Variants in BDH2 observed in about 807,000 individuals in gnomAD.
BDH2 encodes 3-hydroxybutyrate dehydrogenase 2.
BDH2 carries 24 observed loss-of-function variants against 33.2 expected under a neutral mutation model. The observed-to-expected ratio is 0.72, with a 90% CI of 0.52 to 1.02. The LOEUF (loss-of-function observed/expected upper bound fraction) is 1.02, where lower values mean the gene tolerates loss of function less well. Among genes scored for constraint, BDH2 ranks in the 50% least tolerant of loss-of-function variants. The probability of loss-of-function intolerance (pLI) is 0.00; values close to 1 mark genes in which losing one functional copy is unlikely to be tolerated. For synonymous variants in BDH2, 81 were observed against 101.6 expected (o/e 0.80, Z 1.22); for missense variants, 249 against 301.6 (o/e 0.83, Z 1.29).
intron 1 of BDH2, among the ~76,000 whole-genome samples, chr4:103,096,739 C>A (rs1444607060): frequency 6.6e-6 from 1 of 152,038 alleles, no homozygotes; most frequent in East Asian, 1.9e-4. Context: ...CGGGCTTTCA[C>A]CATGTTGGCC....
chr4:103,083,030 C>G, intron 7 of BDH2, 101 bp from the exon 8 acceptor site: 2 of 1,097,514 alleles, frequency 1.8e-6, no homozygotes, highest in East Asian at 2.4e-5. Context: ...AGATTCTTCT[C>G]CTTGACTTAA....
At chr4:103,097,789 G>C (rs1460098667) in intron 1 of BDH2, 1 of 152,186 alleles carries the variant, frequency 6.6e-6, no homozygotes. Context: ...AAAGTGAGTT[G>C]GATGGTGTTG....
chr4:103,082,896 ATTCT>A lies in BDH2; in HGVS notation c.562_565del (p.Arg188TyrfsTer15), dbSNP rs1272762839. On this transcript the variant is annotated frameshift_variant, in exon 8 of 10. Transcript: ENST00000296424. Reference sequence around the variant, plus strand: ...CTCTTCAGGATTTCCTCTGGCTTGTATTCTTTCTTGTAGAGATGGCGTATCAACT... The same window carrying A: ...CTCTTCAGGATTTCCTCTGGCTTGTATTCTTGTAGAGATGGCGTATCAACT... The A allele has an allele frequency of 3.7e-6, 6 of 1,612,922 alleles. No individual in the cohort carries two copies. Among genetic ancestry groups the A allele is most frequent in the Non-Finnish European group, 5.1e-6 (6 of 1,178,990 alleles).
intron 3 of BDH2, among the ~76,000 whole-genome samples, chr4:103,093,780 A>G (rs1290054018): frequency 4.7e-5 from 7 of 147,928 alleles, no homozygotes; most frequent in African/African-American, 1.5e-4. Context: ...AATTTATAAT[A>G]TATTATAAAT....
At position 103,082,793 on chromosome 4, in the gene BDH2, A is replaced by G. The variant is rs143019882; in HGVS notation, c.591+78T>C. 24 of 1,270,536 alleles carry G rather than the reference A, an allele frequency of 1.9e-5. No individual in the cohort carries two copies. The East Asian group carries it at 4.9e-4, about 26-fold the overall frequency. The allele number at this position is 1,270,536 out of a possible 1,614,324, so 78.7% of individuals were successfully genotyped here. A position where few individuals can be genotyped will look rare whatever the true frequency, so the allele number is the denominator to read the frequency against. On this transcript the variant is annotated intron_variant, in intron 8 of 9. Coordinates refer to ENST00000296424, the MANE Select transcript of BDH2 (RefSeq NM_020139.4). ...AACTACCATTTCACTTTCTGTCTCT[A>G]TGAATTTGTCTGCTATAGGTATGGA...
chr4:103,091,335 T>C, intron 4 of BDH2, 50 bp from the exon 5 acceptor site: 1 of 1,229,096 alleles, frequency 8.1e-7, no homozygotes, highest in Non-Finnish European at 1.2e-6. Flanking sequence ...AAAATTTTTC[T>C]ATTCCATCTG....
intron 3 of BDH2, among the ~76,000 whole-genome samples, chr4:103,093,370 AAGG>A (rs760228979): frequency 6.6e-6 from 1 of 151,938 alleles, no homozygotes; most frequent in African/African-American, 2.4e-5. Context: ...ACTAAACTGC[AAGG>A]AGAAGAAATG....
chr4:103,089,515 A>G (rs1442597938), intron 5 of BDH2, among the ~76,000 whole-genome samples: 1 of 152,210 alleles, frequency 6.6e-6, no homozygotes, highest in Non-Finnish European at 1.5e-5. Context: ...TTGTTAAGAT[A>G]TTGTAAATCA....
intron 3 of BDH2, among the ~76,000 whole-genome samples, chr4:103,093,693 T>C (rs1748222636): frequency 6.8e-6 from 1 of 146,974 alleles, no homozygotes; most frequent in African/African-American, 2.5e-5. Flanking sequence ...TGTATTAATA[T>C]GTATATGTAT....
At chr4:103,095,818 C>T (rs1230455168) in intron 2 of BDH2, among the ~76,000 whole-genome samples, 2 of 152,138 alleles carry the variant, frequency 1.3e-5, no homozygotes, top group Non-Finnish European at 2.9e-5. Context: ...ACAAGGTAAC[C>T]TGTCTTATAA....
In BDH2 at chr4:103,085,357, A is replaced by G; in HGVS notation, c.524T>C (p.Val175Ala). ...FIQQGIRCNC[V>A]CPGTVDTPSL... ...AGGTGTGCCTTACTCACCTGGGCAC[A>G]CACAGTTGCACCTGATGCCCTGCTG... Residue 175 changes from valine (V) to alanine (A), a missense_variant, in exon 7 of 10, where the codon GTG becomes GCG. Transcript: ENST00000296424. 6.2e-7 allele frequency: 1 copy of G among 1,609,638 alleles called. No individual in the cohort carries two copies. The highest frequency in any genetic ancestry group is 8.5e-7 in the Non-Finnish European group (1 of 1,178,516).
Position 103,095,371 on chromosome 4 carries a change from T to A in BDH2, c.73-90A>T. On this transcript the variant is annotated intron_variant, in intron 2 of 9. Coordinates refer to ENST00000296424, the MANE Select transcript of BDH2 (RefSeq NM_020139.4). ...CATCATGTGGTCTTTTTCTCCTTTA[T>A]CTTATTTTCATTGTTCTTTTCCCTA... The A allele has an allele frequency of 3.1e-6, 3 of 969,232 alleles. No homozygotes were observed. In the Admixed American group the frequency reaches 5.8e-5, roughly 19 times the overall value. 60.0% of individuals were successfully genotyped at this position (969,232 alleles called of 1,614,324 possible). A position where few individuals can be genotyped will look rare whatever the true frequency, so the allele number is the denominator to read the frequency against.
chr4:103,091,746 G>GAA, intron 4 of BDH2: 1 of 406,332 alleles, frequency 2.5e-6, no homozygotes, highest in Non-Finnish European at 4.9e-6. Flanking sequence ...CCCTGTTTCA[G>GAA]AAAAAAAAAA....
intron 9 of BDH2, among the ~76,000 whole-genome samples, chr4:103,080,607 G>A (rs1473256459): frequency 6.6e-6 from 1 of 152,288 alleles, no homozygotes; most frequent in Non-Finnish European, 1.5e-5. Context: ...GGAGTTATTA[G>A]TCACTTCACC....
intron 7 of BDH2, among the ~76,000 whole-genome samples, chr4:103,083,524 A>G (rs2110696675): frequency 6.6e-6 from 1 of 152,364 alleles, no homozygotes; most frequent in African/African-American, 2.4e-5. Context: ...AATATAATTT[A>G]ATCTAATTTA....
intron 1 of BDH2, among the ~76,000 whole-genome samples, chr4:103,098,386 A>G (rs1479677271): frequency 6.6e-6 from 1 of 152,182 alleles, no homozygotes; most frequent in African/African-American, 2.4e-5. Context: ...GCATTGTCTC[A>G]TGGTACTCAA....
rs1748400680 is a variant in BDH2, at chr4:103,096,269, T to A, written c.-15A>T. 1 of 1,610,510 alleles carries A rather than the reference T, an allele frequency of 6.2e-7. No homozygotes were observed. Among genetic ancestry groups the A allele is most frequent in the African/African-American group, 1.3e-5 (1 of 74,858 alleles). ...AGTCGACCCATAATGGAACCTGTGG[T>A]TTAATCTAAAGACATGTGTGTTTAA... On this transcript the variant is annotated 5_prime_UTR_variant, in exon 2 of 10. Coordinates refer to ENST00000296424, the MANE Select transcript of BDH2 (RefSeq NM_020139.4).
chr4:103,092,786 A>G, intron 3 of BDH2, 90 bp from the exon 4 acceptor site: 1 of 894,660 alleles, frequency 1.1e-6, no homozygotes, highest in African/African-American at 1.6e-5. Context: ...AGATTGCAAC[A>G]TCTATCCAGC....
intron 3 of BDH2, among the ~76,000 whole-genome samples, chr4:103,094,191 C>G (rs1224512607): frequency 2.0e-5 from 3 of 152,160 alleles, no homozygotes; most frequent in Non-Finnish European, 4.4e-5. Context: ...TAAGCTGTCT[C>G]CAGCCACATG....
Sources: allele counts gnomAD v4.1 joint callset (sites outside exome capture counted in the v4.1 genomes callset), GRCh38; gene constraint gnomAD v4.1.1; transcripts MANE v1.5; gene names NCBI Gene and HGNC (gene_info 2026-07-23, HGNC 2026-07-21).